Variants in HS3ST4 observed in about 807,000 individuals in gnomAD.
HS3ST4 encodes the protein heparan sulfate-glucosamine 3-sulfotransferase 4, also known as heparan sulfate glucosamine 3-O-sulfotransferase 4.
In HS3ST4, 17 loss-of-function variants were observed where a neutral mutation model predicts 29.2. The ratio of observed to expected loss-of-function variants is 0.58; its 90% confidence interval spans 0.40 to 0.87. HS3ST4 has a LOEUF of 0.87. Among genes scored for constraint, HS3ST4 ranks in the 40% least tolerant of loss-of-function variants. HS3ST4 has a pLI of 0.00. For missense variants in HS3ST4, 627 were observed against 634.5 expected (o/e 0.99, Z 0.13); for synonymous variants, 314 against 285.7 (o/e 1.10, Z -1.00).
At chr16:25,794,637 T>C (rs1354602012) in intron 1 of HS3ST4, among the ~76,000 whole-genome samples, 3 of 152,136 alleles carry the variant, frequency 2.0e-5, no homozygotes, top group East Asian at 3.8e-4. Context: ...CTTTTTCCCC[T>C]GGATGCTTTG....
chr16:26,057,616 G>A (rs949948811), intron 1 of HS3ST4, among the ~76,000 whole-genome samples: 6 of 152,140 alleles, frequency 3.9e-5, no homozygotes, highest in African/African-American at 1.4e-4. Context: ...AGCTGAGTGT[G>A]GTGGTGCACA....
chr16:25,840,592 G>T (rs577432298), intron 1 of HS3ST4, among the ~76,000 whole-genome samples: 1 of 152,102 alleles, frequency 6.6e-6, no homozygotes, highest in Non-Finnish European at 1.5e-5. Flanking sequence ...CAGTTTCCTG[G>T]AATATAAAAG....
At chr16:25,984,808 C>T (rs1046006875) in intron 1 of HS3ST4, among the ~76,000 whole-genome samples, 1 of 152,212 alleles carries the variant, frequency 6.6e-6, no homozygotes, top group Admixed American at 6.5e-5. Flanking sequence ...ACCCATTCAT[C>T]TATTCTCTTA....
chr16:25,792,404 A>G (rs975835580), intron 1 of HS3ST4, among the ~76,000 whole-genome samples: 1 of 151,864 alleles, frequency 6.6e-6, no homozygotes, highest in Non-Finnish European at 1.5e-5. Context: ...TATACGGAAA[A>G]ATTTGCTGAT....
At chr16:26,017,313 TG>T (rs1391423297) in intron 1 of HS3ST4, among the ~76,000 whole-genome samples, 1 of 152,228 alleles carries the variant, frequency 6.6e-6, no homozygotes, top group Non-Finnish European at 1.5e-5. Flanking sequence ...TTGGTAAAAC[TG>T]TCCCTTGTGA....
chr16:25,995,039 C>G (rs961712145), intron 1 of HS3ST4, among the ~76,000 whole-genome samples: 7 of 152,174 alleles, frequency 4.6e-5, no homozygotes, highest in Admixed American at 2.6e-4. Flanking sequence ...CATGTTCTTC[C>G]CTAATCCCAT....
At chr16:26,069,124 G>T (rs1368282625) in intron 1 of HS3ST4, among the ~76,000 whole-genome samples, 1 of 152,054 alleles carries the variant, frequency 6.6e-6, no homozygotes, top group Non-Finnish European at 1.5e-5. Flanking sequence ...GCTAATTTTT[G>T]CATTTTTTGT....
intron 1 of HS3ST4, among the ~76,000 whole-genome samples, chr16:25,844,751 G>A (rs960091216): frequency 5.3e-5 from 8 of 152,198 alleles, no homozygotes; most frequent in African/African-American, 1.4e-4. Context: ...ATGCATGCAT[G>A]TGTATGTTCA....
chr16:25,999,888 A>ATATCT (rs1555477409), intron 1 of HS3ST4, among the ~76,000 whole-genome samples: 1 of 126,138 alleles, frequency 7.9e-6, no homozygotes, highest in Non-Finnish European at 1.6e-5. Flanking sequence ...TATATTATAT[A>ATATCT]TATATATTTT....
chr16:26,136,397 T>C lies in HS3ST4; in HGVS notation c.*149T>C. On this transcript the variant is annotated 3_prime_UTR_variant, in exon 2 of 2. Transcript: ENST00000331351. The stretch of plus-strand genomic sequence containing the variant: ...CAGCCAGGATTGCCTCCAGTGCTGT[T>C]AGCTTAGGCAAACAGGTGGATCCCA... 1.3e-6 allele frequency: 1 copy of C among 746,762 alleles called. No homozygotes were observed. The highest frequency in any genetic ancestry group is 2.1e-6 in the Non-Finnish European group (1 of 471,340). 46.3% of individuals were successfully genotyped at this position (746,762 alleles called of 1,614,324 possible). A position where few individuals can be genotyped will look rare whatever the true frequency, so the allele number is the denominator to read the frequency against.
At chr16:25,950,590 A>G (rs1968673350) in intron 1 of HS3ST4, among the ~76,000 whole-genome samples, 1 of 151,992 alleles carries the variant, frequency 6.6e-6, no homozygotes, top group African/African-American at 2.4e-5. Flanking sequence ...TTTATTTTCA[A>G]CCAGTTCTGT....
At chr16:25,728,689 T>C (rs752035447) in intron 1 of HS3ST4, among the ~76,000 whole-genome samples, 1 of 152,158 alleles carries the variant, frequency 6.6e-6, no homozygotes, top group Non-Finnish European at 1.5e-5. Context: ...CTCGGTGGGA[T>C]AGTGGCAACG....
chr16:26,100,159 C>T (rs993356818), intron 1 of HS3ST4, among the ~76,000 whole-genome samples: 1 of 152,046 alleles, frequency 6.6e-6, no homozygotes, highest in African/African-American at 2.4e-5. Flanking sequence ...GGAGCAGGAC[C>T]AAGGCTGAAA....
intron 1 of HS3ST4, among the ~76,000 whole-genome samples, chr16:25,831,294 A>G (rs1189484327): frequency 1.3e-5 from 2 of 152,082 alleles, no homozygotes; most frequent in Non-Finnish European, 2.9e-5. Flanking sequence ...CGGGCATGGT[A>G]GATCACACCT....
chr16:25,832,742 T>C (rs1357661585), intron 1 of HS3ST4, among the ~76,000 whole-genome samples: 2 of 151,408 alleles, frequency 1.3e-5, no homozygotes, highest in Non-Finnish European at 2.9e-5. Context: ...AAACAAAAAG[T>C]ACTGATTACC....
intron 1 of HS3ST4, among the ~76,000 whole-genome samples, chr16:25,767,935 C>T (rs546382687): frequency 3.4e-4 from 52 of 152,198 alleles, no homozygotes; most frequent in Non-Finnish European, 5.4e-4. Context: ...GGCACTGTGC[C>T]ACCCCTAAGG....
chr16:25,702,753 G>C (rs548828762), intron 1 of HS3ST4, among the ~76,000 whole-genome samples: 1 of 152,266 alleles, frequency 6.6e-6, no homozygotes, highest in African/African-American at 2.4e-5. Context: ...TCACTGTTTA[G>C]ATTCATAAAC....
chr16:26,137,660 T>C lies in HS3ST4; in HGVS notation c.*1412T>C, dbSNP rs1410392417. Reference sequence around the variant, plus strand: ...TTTCTCCCGCTAAATGAAAACCGTGTTGTTATAAAGCTTAATGCAACCTGA... The same window carrying C: ...TTTCTCCCGCTAAATGAAAACCGTGCTGTTATAAAGCTTAATGCAACCTGA... On this transcript the variant is annotated 3_prime_UTR_variant, in exon 2 of 2. Transcript: ENST00000331351. 6.6e-6 allele frequency: 1 copy of C among 152,176 alleles called. No homozygotes were observed. Among genetic ancestry groups the C allele is most frequent in the Non-Finnish European group, 1.5e-5 (1 of 68,038 alleles). The allele number at this position is 152,176 out of a possible 1,614,324, so 9.4% of individuals were successfully genotyped here.
At chr16:25,803,323 T>A (rs1372390486) in intron 1 of HS3ST4, among the ~76,000 whole-genome samples, 1 of 152,210 alleles carries the variant, frequency 6.6e-6, no homozygotes, top group Admixed American at 6.5e-5. Context: ...TGAGACAATT[T>A]TCTTTTCTTG....
Sources: allele counts gnomAD v4.1 joint callset (sites outside exome capture counted in the v4.1 genomes callset), GRCh38; gene constraint gnomAD v4.1.1; transcripts MANE v1.5; gene names NCBI Gene and HGNC (gene_info 2026-07-23, HGNC 2026-07-21).